Variants in NUBPL observed in about 807,000 individuals in gnomAD.
NUBPL encodes NUBP iron-sulfur cluster assembly factor, mitochondrial.
In NUBPL, 31 loss-of-function variants were observed where a neutral mutation model predicts 45.7. The observed-to-expected ratio is 0.68, with a 90% CI of 0.51 to 0.92. The LOEUF is 0.92. Ranked by LOEUF, NUBPL falls within the 40% of genes least tolerant of loss-of-function variation. The probability of loss-of-function intolerance (pLI) is 0.00; values close to 1 mark genes in which losing one functional copy is unlikely to be tolerated. For missense variants in NUBPL, 401 were observed against 398.7 expected (o/e 1.01, Z -0.05); for synonymous variants, 144 against 140.9 (o/e 1.02, Z -0.15).
intron 7 of NUBPL, among the ~76,000 whole-genome samples, chr14:31,821,430 G>A (rs1446925250): frequency 6.6e-6 from 1 of 152,164 alleles, no homozygotes; most frequent in East Asian, 1.9e-4. Context: ...ACAGACATAT[G>A]AAAAGGTGCT....
chr14:31,706,519 A>G (rs2037456400), intron 6 of NUBPL, among the ~76,000 whole-genome samples: 1 of 152,204 alleles, frequency 6.6e-6, no homozygotes, highest in African/African-American at 2.4e-5. Context: ...AGGTTGGTAT[A>G]AGAGTTTGAA....
At chr14:31,653,896 C>G (rs1427890078) in intron 4 of NUBPL, among the ~76,000 whole-genome samples, 1 of 152,152 alleles carries the variant, frequency 6.6e-6, no homozygotes, top group African/African-American at 2.4e-5. Flanking sequence ...AATTTGTGTT[C>G]CTCTGCTGCG....
chr14:31,618,039 T>C (rs1314915564), intron 4 of NUBPL, among the ~76,000 whole-genome samples: 1 of 152,242 alleles, frequency 6.6e-6, no homozygotes, highest in Non-Finnish European at 1.5e-5. Context: ...CCATTTCTTC[T>C]AGATTTTCTA....
chr14:31,765,680 C>G (rs2038900107), intron 6 of NUBPL, among the ~76,000 whole-genome samples: 1 of 151,696 alleles, frequency 6.6e-6, no homozygotes, highest in Admixed American at 6.6e-5. Context: ...CAACATAAAT[C>G]TGCCTGAATA....
chr14:31,721,303 C>T (rs1254910090), intron 6 of NUBPL, among the ~76,000 whole-genome samples: 1 of 152,052 alleles, frequency 6.6e-6, no homozygotes, highest in Non-Finnish European at 1.5e-5. Flanking sequence ...TAACATAAGG[C>T]CAACATTTAC....
At chr14:31,610,122 A>G (rs748268180) in intron 4 of NUBPL, among the ~76,000 whole-genome samples, 1 of 152,138 alleles carries the variant, frequency 6.6e-6, no homozygotes, top group Non-Finnish European at 1.5e-5. Context: ...AATGAAACAA[A>G]AAGTTGCTTT....
chr14:31,727,329 T>C (rs1287676861), intron 6 of NUBPL, among the ~76,000 whole-genome samples: 1 of 152,196 alleles, frequency 6.6e-6, no homozygotes, highest in Non-Finnish European at 1.5e-5. Flanking sequence ...CTTACCATAT[T>C]TCTCTTATAT....
chr14:31,647,674 C>T (rs2035893081), intron 4 of NUBPL, among the ~76,000 whole-genome samples: 1 of 152,186 alleles, frequency 6.6e-6, no homozygotes, highest in Admixed American at 6.5e-5. Flanking sequence ...GGTCCCACCT[C>T]CCCTCATTGC....
chr14:31,841,873 C>CTCCATTGTA (rs1220193458), intron 8 of NUBPL, among the ~76,000 whole-genome samples: 1 of 133,922 alleles, frequency 7.5e-6, no homozygotes, highest in East Asian at 2.3e-4. Flanking sequence ...ACTATGTTGT[C>CTCCATTGTA]TCCATTGTAA....
chr14:31,762,494 C>G (rs1172689553), intron 6 of NUBPL, among the ~76,000 whole-genome samples: 1 of 152,086 alleles, frequency 6.6e-6, no homozygotes, highest in African/African-American at 2.4e-5. Context: ...GAACCCAAGG[C>G]CTTCAAACCA....
At chr14:31,698,182 A>G (rs761768269) in intron 6 of NUBPL, among the ~76,000 whole-genome samples, 5 of 152,050 alleles carry the variant, frequency 3.3e-5, no homozygotes, top group Non-Finnish European at 5.9e-5. Flanking sequence ...AATATTTAGC[A>G]TTGTTTTCTT....
At chr14:31,828,910 A>T (rs1392690321) in intron 8 of NUBPL, among the ~76,000 whole-genome samples, 1 of 152,202 alleles carries the variant, frequency 6.6e-6, no homozygotes, top group African/African-American at 2.4e-5. Flanking sequence ...AGGTTAGGCT[A>T]TTGTTAGGTG....
intron 8 of NUBPL, among the ~76,000 whole-genome samples, chr14:31,826,941 T>C (rs1330066618): frequency 6.6e-6 from 1 of 152,224 alleles, no homozygotes; most frequent in Non-Finnish European, 1.5e-5. Context: ...AAGAGTTTTC[T>C]ATAGAAGTGC....
At position 31,753,107 on chromosome 14, in the gene NUBPL, G is replaced by T. The variant is rs116483967; in HGVS notation, c.514-34673G>T. On this transcript the variant is annotated intron_variant, in intron 6 of 10. Coordinates refer to ENST00000281081, the MANE Select transcript of NUBPL (RefSeq NM_025152.3). ...AGAACCAAACCATATCACAGCGTCAGTGATGTCTGCAAATGACTCAGTAGC... is the reference window on the plus strand; with the variant it reads ...AGAACCAAACCATATCACAGCGTCATTGATGTCTGCAAATGACTCAGTAGC... Among the ~76,000 whole-genome samples, 916 of 152,336 alleles carry T rather than the reference G, an allele frequency of 6.0e-3. 9 individuals carry two copies. The highest frequency in any genetic ancestry group is 0.021 in the African/African-American group (857 of 41,568).
At chr14:31,725,254 T>C (rs1247126765) in intron 6 of NUBPL, among the ~76,000 whole-genome samples, 2 of 152,128 alleles carry the variant, frequency 1.3e-5, no homozygotes. Flanking sequence ...TATTATTGTC[T>C]CCATTTTTTG....
intron 4 of NUBPL, among the ~76,000 whole-genome samples, chr14:31,651,092 G>A (rs2035991277): frequency 6.6e-6 from 1 of 152,164 alleles, no homozygotes; most frequent in African/African-American, 2.4e-5. Flanking sequence ...ATTTGGAGAG[G>A]CCAGTATCTA....
At chr14:31,798,888 C>T (rs2039525695) in intron 7 of NUBPL, among the ~76,000 whole-genome samples, 1 of 151,124 alleles carries the variant, frequency 6.6e-6, no homozygotes. Flanking sequence ...CTCTCCTTAC[C>T]TGTGGAAAAC....
intron 7 of NUBPL, among the ~76,000 whole-genome samples, chr14:31,810,152 G>T (rs28838063): frequency 0.037 from 5,695 of 152,256 alleles, 150 homozygotes; most frequent in African/African-American, 0.08. Context: ...GCAGAGCTGA[G>T]TTCAAGTCCT....
chr14:31,676,630 A>C (rs1342231105), intron 6 of NUBPL, among the ~76,000 whole-genome samples: 1 of 152,048 alleles, frequency 6.6e-6, no homozygotes, highest in African/African-American at 2.4e-5. Flanking sequence ...TATAAAATGT[A>C]TCTTGTTATG....
Sources: gnomAD v4.1 joint callset for allele counts (sites outside exome capture counted in the v4.1 genomes callset) on GRCh38, gnomAD v4.1.1 for gene constraint, MANE v1.5 for transcripts, NCBI Gene and HGNC (gene_info 2026-07-23, HGNC 2026-07-21) for gene names.